Variants in SPSB1 observed in about 807,000 individuals in gnomAD.
SPSB1 encodes splA/ryanodine receptor domain and SOCS box containing 1.
Under a neutral mutation model 21.2 loss-of-function variants are expected in SPSB1, and 8 were observed. That is an observed-to-expected ratio of 0.38 (90% CI 0.22 to 0.68). SPSB1 has a LOEUF of 0.68. Among genes scored for constraint, SPSB1 ranks in the 30% least tolerant of loss-of-function variants. The pLI, the probability that SPSB1 is intolerant of heterozygous loss-of-function variation, is 0.53. For missense variants in SPSB1, 242 were observed against 377.8 expected, an observed-to-expected ratio of 0.64 and a Z score of 2.98; for synonymous variants, 169 against 161.7, an observed-to-expected ratio of 1.05 and a Z score of -0.34.
At chr1:9,323,661 CT>C (rs1297633105) in intron 1 of SPSB1, among the ~76,000 whole-genome samples, 1 of 152,192 alleles carries the variant, frequency 6.6e-6, no homozygotes, top group Non-Finnish European at 1.5e-5. Flanking sequence ...GCACACATGG[CT>C]GCCCGCGCGT....
At chr1:9,329,550 T>C (rs1156293835) in intron 1 of SPSB1, among the ~76,000 whole-genome samples, 1 of 151,602 alleles carries the variant, frequency 6.6e-6, no homozygotes, top group Non-Finnish European at 1.5e-5. Flanking sequence ...ATGCAAAAAT[T>C]AGGCACAGTG....
Position 9,292,921 on chromosome 1 carries a change from C to T in SPSB1, c.-300C>T, listed in dbSNP as rs1460725569. ...ACAGAAGTCGCGCTCGGGCAGCCTG[C>T]GCGCTCGCAGCAGGAACCAGGCTCC... is the stretch of plus-strand genomic sequence containing the variant. On this transcript the variant is annotated 5_prime_UTR_variant, in exon 1 of 3. Coordinates refer to ENST00000328089, the MANE Select transcript of SPSB1 (RefSeq NM_025106.4). 31 of 975,714 alleles carry T rather than the reference C, an allele frequency of 3.2e-5. No individual in the cohort carries two copies. In the South Asian group the frequency reaches 1.1e-3, roughly 34 times the overall value. 60.4% of individuals were successfully genotyped at this position (975,714 alleles called of 1,614,324 possible). A position where few individuals can be genotyped will look rare whatever the true frequency, so the allele number is the denominator to read the frequency against.
In SPSB1 at chr1:9,293,354, G is replaced by C. The variant is rs554255093; in HGVS notation, c.-150+283G>C. 0.025 allele frequency among the ~76,000 whole-genome samples: 3,826 copies of C among 150,962 alleles called. 85 individuals are homozygous for C. The highest frequency in any genetic ancestry group is 0.034 in the Non-Finnish European group (2,289 of 67,522). ...GCTGCAGGGCAGGGGGTCCCGGGGC[G>C]AGGCGCGGCGGGGGTCTCGGGGCGC... On this transcript the variant is annotated intron_variant, in intron 1 of 2. Transcript: ENST00000328089. The surrounding 1 kb of genome is among the most constrained non-coding windows in gnomAD (Gnocchi z 5.1).
chr1:9,333,929 C>A (rs1294021), intron 1 of SPSB1, among the ~76,000 whole-genome samples: 1,747 of 152,238 alleles, frequency 0.011, 26 homozygotes, highest in Middle Eastern at 0.054. Context: ...GATGCTCCGC[C>A]ACATTCCTTC....
chr1:9,316,363 G>A (rs1639612462), intron 1 of SPSB1, among the ~76,000 whole-genome samples: 1 of 152,200 alleles, frequency 6.6e-6, no homozygotes, highest in African/African-American at 2.4e-5. Flanking sequence ...AGCCCCTGGG[G>A]CACAAGGGAG....
intron 1 of SPSB1, among the ~76,000 whole-genome samples, chr1:9,302,097 C>T (rs941252663): frequency 3.3e-5 from 5 of 152,174 alleles, no homozygotes; most frequent in Non-Finnish European, 7.3e-5. Flanking sequence ...CCGGTGAGCA[C>T]GAGCCCACTG....
In SPSB1 at chr1:9,324,050, G is replaced by A. The variant is rs1639771201; in HGVS notation, c.-150+30979G>A. On this transcript the variant is annotated intron_variant, in intron 1 of 2. Transcript: ENST00000328089. The surrounding 1 kb of genome is among the most constrained non-coding windows in gnomAD (Gnocchi z 4.3). ...ACTCGGGCCGCAGAACCCCTCCTCA[G>A]GCCAGCCTGGTTGCTCTGAGCCTGG... Among the ~76,000 whole-genome samples, 1 of 152,246 alleles carries A rather than the reference G, an allele frequency of 6.6e-6. No individual in the cohort carries two copies. The highest frequency in any genetic ancestry group is 1.5e-5 in the Non-Finnish European group (1 of 68,044).
intron 1 of SPSB1, among the ~76,000 whole-genome samples, chr1:9,352,957 A>AGG (rs35779143): frequency 6.6e-6 from 1 of 151,670 alleles, no homozygotes; most frequent in Non-Finnish European, 1.5e-5. Flanking sequence ...GTTGAGCGGC[A>AGG]GGGGGGCTGT....
intron 1 of SPSB1, among the ~76,000 whole-genome samples, chr1:9,318,240 C>T (rs72642739): frequency 6.6e-5 from 10 of 152,338 alleles, no homozygotes; most frequent in African/African-American, 1.9e-4. Flanking sequence ...CGAATGCAGC[C>T]GGCAGCAGAA....
At chr1:9,354,845 G>A (rs373276786) in intron 1 of SPSB1, among the ~76,000 whole-genome samples, 18 of 152,074 alleles carry the variant, frequency 1.2e-4, no homozygotes, top group Middle Eastern at 3.2e-3. Flanking sequence ...GAGAGGGATC[G>A]GGTAGATGAT....
intron 1 of SPSB1, among the ~76,000 whole-genome samples, chr1:9,341,586 G>A (rs542561321): frequency 9.7e-4 from 147 of 152,292 alleles, no homozygotes; most frequent in Middle Eastern, 3.4e-3. Context: ...CACTTCTGCC[G>A]GTGACATCTT....
chr1:9,338,353 G>A (rs1640037735), intron 1 of SPSB1, among the ~76,000 whole-genome samples: 3 of 152,184 alleles, frequency 2.0e-5, no homozygotes, highest in African/African-American at 7.2e-5. Flanking sequence ...TGGGGGCTCT[G>A]GGTGTGCTGT....
rs140404484 is a variant in SPSB1 at position 9,295,245 on chromosome 1, CG to C, written c.-150+2175del. 1.9e-4 allele frequency among the ~76,000 whole-genome samples: 28 copies of C among 150,668 alleles called. No individual in the cohort carries two copies. The East Asian group carries it at 5.5e-3, about 30-fold the overall frequency. On this transcript the variant is annotated intron_variant, in intron 1 of 2. Coordinates refer to ENST00000328089, the MANE Select transcript of SPSB1 (RefSeq NM_025106.4). ...GTGTGTGTGTGTGTGTGTGTGTGCGCGCGTGCGGTTGGGGAGGTGTGGAGTG... is the reference window on the plus strand; with the variant it reads ...GTGTGTGTGTGTGTGTGTGTGTGCGCCGTGCGGTTGGGGAGGTGTGGAGTG...
In SPSB1 at chr1:9,356,072, C is replaced by A; in HGVS notation, c.181C>A (p.Arg61=). Reference sequence around the variant, plus strand: ...GCTGCATTCATGGAACAACAACGACCGATCGCTCAATGTCTTTGTGAAGGA... The same window carrying A: ...GCTGCATTCATGGAACAACAACGACAGATCGCTCAATGTCTTTGTGAAGGA... The part of the protein sequence containing the change: ...QLLHSWNNND[R]SLNVFVKEDD... The change falls in exon 2 of 3, where the codon CGA becomes AGA. Residue 61 remains arginine, a synonymous_variant. Transcript: ENST00000328089. This position sits in a 1 kb window ranked among gnomAD's most constrained non-coding sequence, Gnocchi z 7.4. 1 of 1,613,434 alleles carries A rather than the reference C, an allele frequency of 6.2e-7. No individual in the cohort carries two copies. Among genetic ancestry groups the A allele is most frequent in the Non-Finnish European group, 8.5e-7 (1 of 1,179,568 alleles).
At chr1:9,327,573 C>T (rs1441236128) in intron 1 of SPSB1, among the ~76,000 whole-genome samples, 1 of 151,812 alleles carries the variant, frequency 6.6e-6, no homozygotes, top group Non-Finnish European at 1.5e-5. Flanking sequence ...CTTGTCTGTG[C>T]TTGGGGAGCA....
At chr1:9,352,157 G>A (rs1192116049) in intron 1 of SPSB1, among the ~76,000 whole-genome samples, 1 of 152,222 alleles carries the variant, frequency 6.6e-6, no homozygotes, top group Non-Finnish European at 1.5e-5. Context: ...CAGCATTGGT[G>A]TTAAGGACTT....
intron 1 of SPSB1, among the ~76,000 whole-genome samples, chr1:9,320,318 CTG>C (rs1197550378): frequency 2.6e-5 from 4 of 152,224 alleles, no homozygotes; most frequent in Non-Finnish European, 5.9e-5. Context: ...GGACTGTCCT[CTG>C]TGTCTGTGTC....
rs1479871084 is a variant in SPSB1 at position 9,305,261 on chromosome 1, A to G, written c.-150+12190A>G. On this transcript the variant is annotated intron_variant, in intron 1 of 2. Transcript: ENST00000328089. The surrounding 1 kb of genome is among the most constrained non-coding windows in gnomAD (Gnocchi z 4.8). The stretch of plus-strand genomic sequence containing the variant: ...CCCATACCCTCTCGCTTCACTTTCC[A>G]AAACCGGATCCCCTCACTCCTCCCC... 1.3e-5 allele frequency among the ~76,000 whole-genome samples: 2 copies of G among 151,880 alleles called. No homozygotes were observed. Among genetic ancestry groups the G allele is most frequent in the African/African-American group, 4.8e-5 (2 of 41,324 alleles).
intron 1 of SPSB1, among the ~76,000 whole-genome samples, chr1:9,296,239 C>T (rs1639222904): frequency 6.6e-6 from 1 of 152,156 alleles, no homozygotes; most frequent in South Asian, 2.1e-4. Flanking sequence ...TCATGGGCTT[C>T]CTGAGGACCC....
Sources: gnomAD v4.1 joint callset for allele counts (sites outside exome capture counted in the v4.1 genomes callset) on GRCh38, gnomAD v4.1.1 for gene constraint, Gnocchi (gnomAD v3.1) non-coding constraint, MANE v1.5 for transcripts, NCBI Gene and HGNC (gene_info 2026-07-23, HGNC 2026-07-21) for gene names.